Variants in COL21A1 observed in about 807,000 individuals in gnomAD.
The protein encoded by COL21A1 is collagen type XXI alpha 1 chain.
COL21A1 carries 149 observed loss-of-function variants against 137.9 expected under a neutral mutation model. The ratio of observed to expected loss-of-function variants is 1.08; its 90% CI spans 0.95 to 1.24. COL21A1 has a LOEUF of 1.24. COL21A1 is among the 50% of genes most tolerant of loss of function. The pLI is 0.00. For missense variants in COL21A1, 1,167 were observed against 1,158.4 expected, an observed-to-expected ratio of 1.01 and a Z score of -0.11; for synonymous variants, 456 against 391.5, an observed-to-expected ratio of 1.16 and a Z score of -1.95.
chr6:56,137,065 T>C (rs888924822), intron 12 of COL21A1, among the ~76,000 whole-genome samples: 4 of 152,116 alleles, frequency 2.6e-5, no homozygotes, highest in African/African-American at 7.2e-5. Flanking sequence ...GAAAGCCAGA[T>C]TGGGATCAAG....
intron 22 of COL21A1, 54 bp downstream of exon 22, chr6:56,068,992 C>T (rs1464556578): frequency 8.1e-7 from 1 of 1,227,000 alleles, no homozygotes; most frequent in African/African-American, 1.5e-5. Flanking sequence ...AAAAGAAAAA[C>T]TTGTTTGCAA....
intron 1 of COL21A1, among the ~76,000 whole-genome samples, chr6:56,260,464 T>C (rs4236137): frequency 0.99 from 150,193 of 151,372 alleles, 74,520 homozygotes; most frequent in Middle Eastern, 1. Flanking sequence ...ATCCCAGCTA[T>C]TTGGGAGGCT....
chr6:56,137,677 T>C (rs1774099853), intron 12 of COL21A1, among the ~76,000 whole-genome samples: 1 of 152,098 alleles, frequency 6.6e-6, no homozygotes, highest in Non-Finnish European at 1.5e-5. Context: ...ACCAACAAAA[T>C]ATAAAGCATT....
At chr6:56,338,915 T>A (rs1243460407) in intron 1 of COL21A1, among the ~76,000 whole-genome samples, 3 of 152,170 alleles carry the variant, frequency 2.0e-5, no homozygotes, top group Non-Finnish European at 4.4e-5. Flanking sequence ...GCAGCTCACA[T>A]GCTTCTTTAT....
chr6:56,206,697 A>AATAAAT (rs1344636182), intron 1 of COL21A1, among the ~76,000 whole-genome samples: 24 of 32,310 alleles, frequency 7.4e-4, no homozygotes, highest in South Asian at 1.4e-3. Flanking sequence ...TAAATAAATA[A>AATAAAT]ATATATATAT....
chr6:56,294,026 A>G (rs1342870999), intron 1 of COL21A1, among the ~76,000 whole-genome samples: 1 of 152,188 alleles, frequency 6.6e-6, no homozygotes, highest in South Asian at 2.1e-4. Context: ...CGTAATTAAA[A>G]TAAAACCACA....
chr6:56,270,668 C>A (rs1356580243), intron 1 of COL21A1, among the ~76,000 whole-genome samples: 1 of 152,046 alleles, frequency 6.6e-6, no homozygotes, highest in African/African-American at 2.4e-5. Flanking sequence ...AATTGTAATC[C>A]CCACGTGTCC....
At chr6:56,124,795 C>T (rs1359363625) in intron 14 of COL21A1, among the ~76,000 whole-genome samples, 1 of 151,866 alleles carries the variant, frequency 6.6e-6, no homozygotes, top group Non-Finnish European at 1.5e-5. Context: ...GCGCCCACTA[C>T]CACTCCTGGC....
intron 17 of COL21A1, among the ~76,000 whole-genome samples, chr6:56,097,131 A>G (rs1319562846): frequency 2.0e-5 from 3 of 152,148 alleles, no homozygotes; most frequent in Non-Finnish European, 4.4e-5. Flanking sequence ...TTGCTTTCCT[A>G]ACAGGATGCA....
At chr6:56,226,447 A>G (rs571538985) in intron 1 of COL21A1, among the ~76,000 whole-genome samples, 2 of 152,188 alleles carry the variant, frequency 1.3e-5, no homozygotes, top group African/African-American at 2.4e-5. Context: ...ATCATGAAAC[A>G]TTTTTAAAAG....
At chr6:56,177,949 A>C (rs16887633) in intron 3 of COL21A1, among the ~76,000 whole-genome samples, 2,212 of 152,152 alleles carry the variant, frequency 0.015, 53 homozygotes, top group African/African-American at 0.051. Context: ...GTGGATGAAA[A>C]TATATTTGGC....
chr6:56,154,579 C>T lies in COL21A1; in HGVS notation c.1434+2308G>A, dbSNP rs370833186. On this transcript the variant is annotated intron_variant, in intron 10 of 29. Coordinates refer to ENST00000244728, the MANE Select transcript of COL21A1 (RefSeq NM_030820.4). ...TCTGACTACTTCTCCATTCTCCCACCGTATCACCCTAGTACAAACTACTCT... is the reference window on the plus strand; with the variant it reads ...TCTGACTACTTCTCCATTCTCCCACTGTATCACCCTAGTACAAACTACTCT... 1.3e-3 allele frequency among the ~76,000 whole-genome samples: 194 copies of T among 152,230 alleles called. 3 individuals are homozygous for T. The highest frequency in any genetic ancestry group is 4.3e-3 in the African/African-American group (178 of 41,534).
At chr6:56,171,207 G>C in intron 3 of COL21A1, 79 bp from the exon 4 acceptor site, 6 of 885,200 alleles carry the variant, frequency 6.8e-6, no homozygotes, top group Non-Finnish European at 8.6e-6. Context: ...AGAAATACTA[G>C]ACAATATAGT....
At chr6:56,176,326 A>C (rs1374672924) in intron 3 of COL21A1, among the ~76,000 whole-genome samples, 1 of 152,102 alleles carries the variant, frequency 6.6e-6, no homozygotes, top group Non-Finnish European at 1.5e-5. Context: ...AAAACTCTGT[A>C]AAAAGACAAT....
At chr6:56,216,172 G>C (rs1457130894) in intron 1 of COL21A1, among the ~76,000 whole-genome samples, 1 of 152,004 alleles carries the variant, frequency 6.6e-6, no homozygotes, top group African/African-American at 2.4e-5. Flanking sequence ...TGACTGGCTA[G>C]GACAAAGTGG....
chr6:56,259,672 G>A (rs1176313658), intron 1 of COL21A1, among the ~76,000 whole-genome samples: 2 of 152,164 alleles, frequency 1.3e-5, no homozygotes, highest in Non-Finnish European at 2.9e-5. Flanking sequence ...TCTTTTGGCA[G>A]TATCTTTCAA....
chr6:56,392,760 A>G (rs2152354206), intron 1 of COL21A1, among the ~76,000 whole-genome samples: 1 of 152,322 alleles, frequency 6.6e-6, no homozygotes, highest in Admixed American at 6.5e-5. Flanking sequence ...TACAAATAAA[A>G]TTAAATGCCT....
At chr6:56,060,315 G>T in intron 27 of COL21A1, 97 bp from the exon 28 acceptor site, 2 of 975,466 alleles carry the variant, frequency 2.1e-6, no homozygotes, top group South Asian at 1.6e-5. Context: ...AAAAAACTAC[G>T]AACATTGAAT....
At chr6:56,106,912 C>G (rs1331025699) in intron 16 of COL21A1, among the ~76,000 whole-genome samples, 1 of 151,884 alleles carries the variant, frequency 6.6e-6, no homozygotes, top group African/African-American at 2.4e-5. Flanking sequence ...TCAGCCTCCT[C>G]AGTAGCTGGG....
Sources: allele counts gnomAD v4.1 joint callset (sites outside exome capture counted in the v4.1 genomes callset), GRCh38; gene constraint gnomAD v4.1.1; transcripts MANE v1.5; gene names NCBI Gene and HGNC (gene_info 2026-07-23, HGNC 2026-07-21).